Variants in FOXP2 observed in about 807,000 individuals in gnomAD.
FOXP2 encodes forkhead box P2.
A neutral mutation model predicts 115.8 loss-of-function variants in FOXP2; 12 were observed. That is an observed-to-expected ratio of 0.10 (90% CI 0.07 to 0.17). FOXP2 has a LOEUF of 0.17. Among genes scored for constraint, FOXP2 ranks in the 10% least tolerant of loss-of-function variants. The pLI, the probability that FOXP2 is intolerant of heterozygous loss-of-function variation, is 1.00. For missense variants in FOXP2, 629 were observed against 843.5 expected, an observed-to-expected ratio of 0.75 and a Z score of 3.15; for synonymous variants, 328 against 297.7, an observed-to-expected ratio of 1.10 and a Z score of -1.05.
chr7:114,190,440 C>T (rs1793728219), intron 1 of FOXP2, among the ~76,000 whole-genome samples: 3 of 152,194 alleles, frequency 2.0e-5, no homozygotes, highest in African/African-American at 7.2e-5. Flanking sequence ...TTCTGGTTCT[C>T]TAGCCTTCAG....
At chr7:114,118,727 G>T (rs1315329025) in intron 1 of FOXP2, among the ~76,000 whole-genome samples, 1 of 152,062 alleles carries the variant, frequency 6.6e-6, no homozygotes, top group Non-Finnish European at 1.5e-5. Flanking sequence ...CAAGATCCAT[G>T]TGTCACCTGA....
intron 1 of FOXP2, among the ~76,000 whole-genome samples, chr7:114,260,412 A>G (rs1284633618): frequency 2.6e-5 from 4 of 152,098 alleles, no homozygotes; most frequent in Non-Finnish European, 5.9e-5. Context: ...GTCTGCCGCC[A>G]TTATTGATTA....
chr7:114,476,590 T>G (rs1048510632), intron 2 of FOXP2, among the ~76,000 whole-genome samples: 39 of 151,980 alleles, frequency 2.6e-4, no homozygotes, highest in African/African-American at 8.9e-4. Flanking sequence ...TTAGGATTAC[T>G]TTGGCTATTC....
chr7:114,516,069 C>G (rs1488002398), intron 2 of FOXP2, among the ~76,000 whole-genome samples: 1 of 152,136 alleles, frequency 6.6e-6, no homozygotes, highest in Non-Finnish European at 1.5e-5. Context: ...CTTTAAAGTT[C>G]ATATGAAACC....
intron 1 of FOXP2, among the ~76,000 whole-genome samples, chr7:114,136,490 A>C (rs1482973922): frequency 6.6e-6 from 1 of 152,046 alleles, no homozygotes; most frequent in Non-Finnish European, 1.5e-5. Flanking sequence ...AAGTTTATTT[A>C]TATAGTGAAA....
intron 1 of FOXP2, among the ~76,000 whole-genome samples, chr7:114,139,220 GA>G (rs979300819): frequency 2.0e-5 from 3 of 152,072 alleles, no homozygotes; most frequent in African/African-American, 4.8e-5. Flanking sequence ...TGTTAGAGCG[GA>G]AAAAAATGAA....
intron 8 of FOXP2, among the ~76,000 whole-genome samples, chr7:114,646,901 TCA>T (rs1374963735): frequency 6.6e-6 from 1 of 152,008 alleles, no homozygotes; most frequent in Admixed American, 6.6e-5. Flanking sequence ...ACAGATTTTC[TCA>T]GAGGACTTTG....
At chr7:114,191,876 T>C (rs1793769375) in intron 1 of FOXP2, among the ~76,000 whole-genome samples, 1 of 152,182 alleles carries the variant, frequency 6.6e-6, no homozygotes, top group Non-Finnish European at 1.5e-5. Flanking sequence ...TACAGTATCA[T>C]ACAGAGAAGT....
Position 114,631,847 on chromosome 7 carries a change from A to G in FOXP2, c.775+142A>G, listed in dbSNP as rs894972849. The G allele has an allele frequency of 3.6e-6, 3 of 841,866 alleles. No individual in the cohort carries two copies. In the African/African-American group the frequency reaches 5.1e-5, roughly 14 times the overall value. The allele number at this position is 841,866 out of a possible 1,614,324, so 52.1% of individuals were successfully genotyped here. On this transcript the variant is annotated intron_variant, in intron 6 of 16. Transcript: ENST00000350908. Reference sequence around the variant, plus strand: ...AAAACGTGATTGTTAACATGGTGGCATGACCTATTTTCTAGAGGCTCAGAA... The same window carrying G: ...AAAACGTGATTGTTAACATGGTGGCGTGACCTATTTTCTAGAGGCTCAGAA...
At chr7:114,339,423 A>G (rs1051645361) in intron 2 of FOXP2, among the ~76,000 whole-genome samples, 2 of 151,196 alleles carry the variant, frequency 1.3e-5, no homozygotes, top group Non-Finnish European at 3.0e-5. Flanking sequence ...CTTTTTGTGA[A>G]CTTTTTTTTA....
chr7:114,098,939 C>T (rs1473529218), intron 1 of FOXP2, among the ~76,000 whole-genome samples: 1 of 152,086 alleles, frequency 6.6e-6, no homozygotes, highest in African/African-American at 2.4e-5. Context: ...GGAGTGGGAT[C>T]ACATGGGCAA....
chr7:114,192,189 G>T lies in FOXP2; in HGVS notation c.-102+29101G>T, dbSNP rs1793779340. On this transcript the variant is annotated intron_variant, in intron 1 of 17. Transcript: ENST00000634411. ...TGTAGTAGAGACGGGGTTTCACCAT[G>T]TTGGCCAGGATGGTCTCTATCTCTT... Among the ~76,000 whole-genome samples the T allele has an allele frequency of 5.4e-5, 4 of 74,334 alleles. No individual in the cohort carries two copies. The Admixed American group carries it at 6.6e-4, about 12-fold the overall frequency. The allele number at this position is 74,334 out of a possible 152,430, so 48.8% of individuals were successfully genotyped here.
chr7:114,281,386 C>T (rs1796334433), intron 1 of FOXP2, among the ~76,000 whole-genome samples: 1 of 151,936 alleles, frequency 6.6e-6, no homozygotes, highest in African/African-American at 2.4e-5. Context: ...CAGGCATGAG[C>T]CACCGTGCCT....
intron 1 of FOXP2, among the ~76,000 whole-genome samples, chr7:114,127,636 C>A (rs1316363454): frequency 1.3e-5 from 2 of 152,100 alleles, no homozygotes; most frequent in Non-Finnish European, 2.9e-5. Context: ...AGTTTGCCAA[C>A]AAGGTAGAAA....
rs200966739 is a variant in FOXP2, at chr7:114,445,323, CAA to C, written c.168+18645_168+18646del. On this transcript the variant is annotated intron_variant, in intron 2 of 16. Transcript: ENST00000350908. ...GTGCCTTTTTATTCCCTGTAAATAA[CAA>C]GAGATTTGCTGTAGGTGTCAAGCCT... is the stretch of plus-strand genomic sequence containing the variant. Among the ~76,000 whole-genome samples, 208 of 152,228 alleles carry C rather than the reference CAA, an allele frequency of 1.4e-3. 3 individuals are homozygous for C. The East Asian group carries it at 0.038, about 28-fold the overall frequency.
chr7:114,513,373 G>A (rs950199097), intron 2 of FOXP2, among the ~76,000 whole-genome samples: 1 of 152,034 alleles, frequency 6.6e-6, no homozygotes, highest in Non-Finnish European at 1.5e-5. Context: ...TAATTAGTAA[G>A]GGTATCAAAA....
intron 1 of FOXP2, among the ~76,000 whole-genome samples, chr7:114,201,683 G>GATAT (rs1794071906): frequency 6.6e-6 from 1 of 152,130 alleles, no homozygotes; most frequent in Admixed American, 6.5e-5. Flanking sequence ...TCATACGCTT[G>GATAT]ATAATATAGT....
chr7:114,123,685 G>T (rs930937967), intron 1 of FOXP2, among the ~76,000 whole-genome samples: 2 of 151,846 alleles, frequency 1.3e-5, no homozygotes, highest in Admixed American at 6.6e-5. Flanking sequence ...AATGGTAGTT[G>T]GACAACTTTG....
chr7:114,096,729 A>G (rs544079824), intron 1 of FOXP2, among the ~76,000 whole-genome samples: 1 of 152,186 alleles, frequency 6.6e-6, no homozygotes, highest in Non-Finnish European at 1.5e-5. Flanking sequence ...AAAACAACTC[A>G]TTTTTCTGGC....
Sources: allele counts gnomAD v4.1 joint callset (sites outside exome capture counted in the v4.1 genomes callset), GRCh38; gene constraint gnomAD v4.1.1; transcripts MANE v1.5; gene names NCBI Gene and HGNC (gene_info 2026-07-23, HGNC 2026-07-21).